RAB11FIP2: variants seen among roughly 807,000 people sequenced by gnomAD.
RAB11FIP2 encodes the protein RAB11 family interacting protein 2.
A neutral mutation model predicts 40.9 loss-of-function variants in RAB11FIP2; 16 were observed. The ratio of observed to expected loss-of-function variants is 0.39; its 90% confidence interval spans 0.26 to 0.59. The LOEUF is 0.59. Among genes scored for constraint, RAB11FIP2 ranks in the 20% least tolerant of loss-of-function variants. The pLI is 0.53. For synonymous variants in RAB11FIP2, 228 were observed against 213.7 expected (o/e 1.07, Z -0.58); for missense variants, 532 against 606.2 (o/e 0.88, Z 1.28).
chr10:118,005,074 A>T lies in RAB11FIP2; in HGVS notation c.*3924T>A, dbSNP rs900145154. ...TGCAAAAATGTATACAAGTTATGAG[A>T]GCATTTACTTAAGAAGATAAGTGTT... On this transcript the variant is annotated 3_prime_UTR_variant, in exon 5 of 5. Transcript: ENST00000355624. 8 of 152,662 alleles carry T rather than the reference A, an allele frequency of 5.2e-5. No homozygotes were observed. The highest frequency in any genetic ancestry group is 1.7e-4 in the African/African-American group (7 of 41,464). The allele number at this position is 152,662 out of a possible 1,614,324, so 9.5% of individuals were successfully genotyped here.
chr10:118,015,163 CATAAAA>C (rs1846202996), intron 3 of RAB11FIP2, 53 bp from the exon 4 acceptor site: 6 of 1,473,732 alleles, frequency 4.1e-6, no homozygotes, highest in Middle Eastern at 1.8e-4. Context: ...TGGGAGGAAA[CATAAAA>C]ATAGAAAAAT....
chr10:118,039,583 A>G, intron 2 of RAB11FIP2, 143 bp from the exon 3 acceptor site: 2 of 717,052 alleles, frequency 2.8e-6, no homozygotes, highest in Non-Finnish European at 4.5e-6. Flanking sequence ...CAAGGAAACA[A>G]TCTTAAAATG....
intron 3 of RAB11FIP2, among the ~76,000 whole-genome samples, chr10:118,035,261 G>A (rs4751646): frequency 0.047 from 7,143 of 152,186 alleles, 403 homozygotes; most frequent in East Asian, 0.17. Flanking sequence ...AACTTTTGCT[G>A]TGATAAGCCA....
At chr10:118,044,239 T>C (rs965074333) in intron 1 of RAB11FIP2, among the ~76,000 whole-genome samples, 4 of 152,136 alleles carry the variant, frequency 2.6e-5, no homozygotes, top group East Asian at 1.9e-4. Context: ...CTACTTTCAC[T>C]AGGAAAATTT....
At chr10:118,009,771 C>G (rs1468904302) in intron 4 of RAB11FIP2, among the ~76,000 whole-genome samples, 1 of 152,062 alleles carries the variant, frequency 6.6e-6, no homozygotes, top group Non-Finnish European at 1.5e-5. Context: ...TTACAGGAAG[C>G]CCCATGTGAG....
chr10:118,035,323 A>G (rs1219028682), intron 3 of RAB11FIP2, among the ~76,000 whole-genome samples: 1 of 152,174 alleles, frequency 6.6e-6, no homozygotes, highest in East Asian at 1.9e-4. Flanking sequence ...ACAGTTCTTA[A>G]TAGTCTCCAG....
chr10:118,016,093 C>T lies in RAB11FIP2; in HGVS notation c.1266-983G>A, dbSNP rs77119349. Reference sequence around the variant, plus strand: ...AATGTTGGTAAAGTATCTGTAATTACGTGTACAAATCCTACGCTCTAAGAT... The same window carrying T: ...AATGTTGGTAAAGTATCTGTAATTATGTGTACAAATCCTACGCTCTAAGAT... On this transcript the variant is annotated intron_variant, in intron 3 of 4. Transcript: ENST00000355624. Among the ~76,000 whole-genome samples, 669 of 152,304 alleles carry T rather than the reference C, an allele frequency of 4.4e-3. 6 individuals are homozygous for T. The highest frequency in any genetic ancestry group is 4.6e-3 in the Non-Finnish European group (312 of 68,022).
chr10:118,020,618 T>G (rs1846272963), intron 3 of RAB11FIP2, among the ~76,000 whole-genome samples: 1 of 152,154 alleles, frequency 6.6e-6, no homozygotes, highest in African/African-American at 2.4e-5. Flanking sequence ...ACCGCTCCCC[T>G]GCCTCCCTGC....
chr10:118,035,510 T>C (rs1194273671), intron 3 of RAB11FIP2, among the ~76,000 whole-genome samples: 1 of 152,104 alleles, frequency 6.6e-6, no homozygotes, highest in Non-Finnish European at 1.5e-5. Flanking sequence ...GCTAACGGAA[T>C]GAGAGTAGCA....
intron 1 of RAB11FIP2, among the ~76,000 whole-genome samples, chr10:118,042,144 A>T (rs2133184097): frequency 6.6e-6 from 1 of 152,214 alleles, no homozygotes; most frequent in African/African-American, 2.4e-5. Context: ...GCTCAGAAAT[A>T]CTCTGTAGTA....
intron 3 of RAB11FIP2, among the ~76,000 whole-genome samples, chr10:118,032,142 G>A (rs1441838328): frequency 6.6e-6 from 1 of 151,938 alleles, no homozygotes; most frequent in Non-Finnish European, 1.5e-5. Flanking sequence ...CCTTCAGTAG[G>A]TGGAGTTCTG....
At chr10:118,018,126 A>C (rs1032989662) in intron 3 of RAB11FIP2, 1 of 152,226 alleles carries the variant, frequency 6.6e-6, no homozygotes, top group Admixed American at 6.5e-5. Context: ...TCTGAAGTCT[A>C]AAGGCAGAAC....
rs534279273 is a variant in RAB11FIP2 at position 118,046,184 on chromosome 10, C to G, written c.-21G>C. On this transcript the variant is annotated 5_prime_UTR_variant, in exon 1 of 5. Transcript: ENST00000355624. The stretch of plus-strand genomic sequence containing the variant: ...ATCATCCTGTCCTGTTTCTCTGCCC[C>G]CGAGTTCCCTAGCACAGGCAGTGCC... The G allele has an allele frequency of 1.1e-5, 17 of 1,602,240 alleles. No individual in the cohort carries two copies. Among genetic ancestry groups the G allele is most frequent in the Non-Finnish European group, 1.0e-5 (12 of 1,171,702 alleles).
At chr10:118,032,902 T>C (rs1846432474) in intron 3 of RAB11FIP2, among the ~76,000 whole-genome samples, 1 of 152,106 alleles carries the variant, frequency 6.6e-6, no homozygotes, top group African/African-American at 2.4e-5. Context: ...AGGTCGCCTA[T>C]TGCAGTATTA....
At position 118,040,398 on chromosome 10, in the gene RAB11FIP2, C is replaced by T. The variant is rs149337811; in HGVS notation, c.521G>A (p.Arg174Lys). The change falls in exon 2 of 5, where the codon AGA becomes AAA. Residue 174 changes from arginine (R) to lysine (K), a missense_variant. Coordinates refer to ENST00000355624, the MANE Select transcript of RAB11FIP2 (RefSeq NM_014904.3). ...ATCAGAAAATGTTCCATCATTTTTT[C>T]TACCCTTCATCTTATCTTTTAACTT... ...FAKLKDKMKG[R>K]KNDGTFSDTS... The T allele has an allele frequency of 2.9e-5, 47 of 1,613,706 alleles. No individual in the cohort carries two copies. The highest frequency in any genetic ancestry group is 1.9e-4 in the South Asian group (17 of 91,076).
intron 3 of RAB11FIP2, among the ~76,000 whole-genome samples, chr10:118,023,115 G>A (rs1328215786): frequency 1.3e-5 from 2 of 152,084 alleles, no homozygotes; most frequent in African/African-American, 4.8e-5. Flanking sequence ...CCAGTTTATC[G>A]AGTATACCAA....
rs1247014325 is a variant in RAB11FIP2 at position 118,005,792 on chromosome 10, A to G, written c.*3206T>C. On this transcript the variant is annotated 3_prime_UTR_variant, in exon 5 of 5. Transcript: ENST00000355624. ...AGATTCTCTTTGTTAAAGAATAAGCACCCTTCCGGGGATGGTAGGCAGGGA... is the reference window on the plus strand; with the variant it reads ...AGATTCTCTTTGTTAAAGAATAAGCGCCCTTCCGGGGATGGTAGGCAGGGA... The G allele has an allele frequency of 6.6e-6, 1 of 152,352 alleles. No homozygotes were observed. Among genetic ancestry groups the G allele is most frequent in the Non-Finnish European group, 1.5e-5 (1 of 67,988 alleles). 9.4% of individuals were successfully genotyped at this position (152,352 alleles called of 1,614,324 possible). A position where few individuals can be genotyped will look rare whatever the true frequency, so the allele number is the denominator to read the frequency against.
rs1241709724 is a variant in RAB11FIP2 at position 118,015,166 on chromosome 10, A to T, written c.1266-56T>A. ...TCATAACTCATGTGGGAGGAAACAT[A>T]AAAATAGAAAAATTTTAACCAACAT... On this transcript the variant is annotated intron_variant, in intron 3 of 4. Transcript: ENST00000355624. 3 of 1,438,520 alleles carry T rather than the reference A, an allele frequency of 2.1e-6. No homozygotes were observed. The African/African-American group carries it at 4.3e-5, about 21-fold the overall frequency. The allele number at this position is 1,438,520 out of a possible 1,614,324, so 89.1% of individuals were successfully genotyped here.
intron 3 of RAB11FIP2, among the ~76,000 whole-genome samples, chr10:118,026,996 T>G (rs181161641): frequency 6.6e-6 from 1 of 150,750 alleles, no homozygotes; most frequent in East Asian, 1.9e-4. Context: ...ATTTAAGTTT[T>G]TTTTTAAGTT....
Sources: allele counts gnomAD v4.1 joint callset (sites outside exome capture counted in the v4.1 genomes callset), GRCh38; gene constraint gnomAD v4.1.1; transcripts MANE v1.5; gene names NCBI Gene and HGNC (gene_info 2026-07-23, HGNC 2026-07-21).